PHF2: variants seen among roughly 807,000 people sequenced by gnomAD.
The protein encoded by PHF2 is lysine-specific demethylase PHF2.
PHF2 carries 27 observed loss-of-function variants against 120.5 expected under a neutral mutation model. The observed-to-expected ratio is 0.22, with a 90% confidence interval of 0.17 to 0.31. The LOEUF (loss-of-function observed/expected upper bound fraction) is 0.31. Among genes scored for constraint, PHF2 ranks in the 10% least tolerant of loss-of-function variants. The pLI is 1.00. For synonymous variants in PHF2, 568 were observed against 592.5 expected (o/e 0.96, Z 0.60); for missense variants, 1,024 against 1,434.8 (o/e 0.71, Z 4.63).
rs141886036 is a variant in PHF2 at position 93,579,722 on chromosome 9, C to G, written c.98+2851C>G. Among the ~76,000 whole-genome samples the G allele has an allele frequency of 6.7e-3, 1,015 of 152,368 alleles. 15 individuals carry two copies. The highest frequency in any genetic ancestry group is 0.024 in the African/African-American group (981 of 41,582). On this transcript the variant is annotated intron_variant, in intron 1 of 21. Coordinates refer to ENST00000359246, the MANE Select transcript of PHF2 (RefSeq NM_005392.4). Reference sequence around the variant, plus strand: ...CTGTCTGTCCCACCTGTGGCCACATCACATTCTTCCAGCCAGCCCCGTTTT... The same window carrying G: ...CTGTCTGTCCCACCTGTGGCCACATGACATTCTTCCAGCCAGCCCCGTTTT...
chr9:93,675,655 G>C, intron 19 of PHF2, 25 bp from the exon 20 acceptor site: 1 of 1,584,760 alleles, frequency 6.3e-7, no homozygotes, highest in Non-Finnish European at 8.6e-7. Context: ...TACAGCTTGA[G>C]GGGGCTGGCC....
At chr9:93,675,239 G>A (rs963403913) in intron 19 of PHF2, among the ~76,000 whole-genome samples, 5 of 152,212 alleles carry the variant, frequency 3.3e-5, no homozygotes, top group African/African-American at 1.2e-4. Flanking sequence ...GAGCCCAGAT[G>A]TGCTTCTACA....
At chr9:93,640,475 A>G (rs766578889) in intron 3 of PHF2, among the ~76,000 whole-genome samples, 5 of 152,010 alleles carry the variant, frequency 3.3e-5, no homozygotes, top group Non-Finnish European at 5.9e-5. Flanking sequence ...GGCCATGTCT[A>G]GTCTACTGAT....
intron 16 of PHF2, among the ~76,000 whole-genome samples, chr9:93,666,321 G>A (rs1206394145): frequency 6.6e-6 from 1 of 152,186 alleles, no homozygotes; most frequent in Non-Finnish European, 1.5e-5. Flanking sequence ...GGGATCTAGT[G>A]TATTAACTGC....
chr9:93,654,150 G>C (rs1027428773), intron 6 of PHF2, among the ~76,000 whole-genome samples: 3 of 152,196 alleles, frequency 2.0e-5, no homozygotes, highest in Non-Finnish European at 1.5e-5. Flanking sequence ...TTTATTTGCA[G>C]CCTGGGCACC....
chr9:93,631,964 T>C (rs1826009502), intron 2 of PHF2, among the ~76,000 whole-genome samples: 1 of 151,794 alleles, frequency 6.6e-6, no homozygotes, highest in African/African-American at 2.4e-5. Context: ...GGTCCTTGCT[T>C]GGGGGCTCTT....
Position 93,662,479 on chromosome 9 carries a change from ATGGATGAATGGGTGGG to A in PHF2, c.1699-415_1699-400del, listed in dbSNP as rs1225318151. On this transcript the variant is annotated intron_variant, in intron 12 of 21. Transcript: ENST00000359246. ...GATGGATAAATAAATGGATGAGTGG[ATGGATGAATGGGTGGG>A]TGGATGAATGGGATGAACGAATGGA... is the stretch of plus-strand genomic sequence containing the variant. 6.0e-5 allele frequency among the ~76,000 whole-genome samples: 9 copies of A among 150,778 alleles called. 1 individual carries two copies. The East Asian group carries it at 1.8e-3, about 30-fold the overall frequency.
Position 93,677,616 on chromosome 9 carries a change from C to T in PHF2, c.3231C>T (p.Thr1077=), listed in dbSNP as rs140577032. The change falls in exon 22 of 22, where the codon ACC becomes ACT. Residue 1077 remains threonine (T), a synonymous_variant. Coordinates refer to ENST00000359246, the MANE Select transcript of PHF2 (RefSeq NM_005392.4). The surrounding 1 kb of genome is among the most constrained non-coding windows in gnomAD (Gnocchi z 4.4). ...AACGTACGAAAAAGGGCATGGCGACCGCCAAGCAGAGGCTTGGGAAAATTT... is the reference window on the plus strand; with the variant it reads ...AACGTACGAAAAAGGGCATGGCGACTGCCAAGCAGAGGCTTGGGAAAATTT... The part of the protein sequence containing the change: ...KGKRTKKGMA[T]AKQRLGKILK... The T allele has an allele frequency of 2.3e-4, 374 of 1,613,728 alleles. No individual in the cohort carries two copies. Among genetic ancestry groups the T allele is most frequent in the Non-Finnish European group, 3.0e-4 (349 of 1,179,934 alleles).
intron 1 of PHF2, among the ~76,000 whole-genome samples, chr9:93,583,302 C>G (rs527750679): frequency 2.0e-5 from 3 of 152,290 alleles, no homozygotes; most frequent in African/African-American, 7.2e-5. Flanking sequence ...CACAGTTTAT[C>G]CATTCATCAG....
chr9:93,643,432 G>A (rs913992681), intron 3 of PHF2, among the ~76,000 whole-genome samples: 1 of 152,118 alleles, frequency 6.6e-6, no homozygotes, highest in Non-Finnish European at 1.5e-5. Flanking sequence ...TTCCCACACG[G>A]TTGCCTGTAC....
At chr9:93,676,989 G>A (rs1826929976) in intron 21 of PHF2, 26 bp downstream of exon 21, 1 of 1,500,342 alleles carries the variant, frequency 6.7e-7, no homozygotes, top group Non-Finnish European at 8.9e-7. Context: ...GAGGGAGCCT[G>A]CAGCCCCCCT....
intron 1 of PHF2, among the ~76,000 whole-genome samples, chr9:93,624,826 G>GTGA (rs1199253164): frequency 6.6e-6 from 1 of 150,804 alleles, no homozygotes; most frequent in Non-Finnish European, 1.5e-5. Context: ...GATGATGATG[G>GTGA]TGATGATGAT....
At chr9:93,610,046 T>C (rs1418439702) in intron 1 of PHF2, among the ~76,000 whole-genome samples, 1 of 145,778 alleles carries the variant, frequency 6.9e-6, no homozygotes, top group East Asian at 2.1e-4. Context: ...TTTTTGCGGT[T>C]TGAATGTGAT....
chr9:93,664,821 T>C (rs1166336710), intron 14 of PHF2, among the ~76,000 whole-genome samples: 2 of 152,244 alleles, frequency 1.3e-5, no homozygotes, highest in Admixed American at 6.5e-5. Flanking sequence ...GGTGTGACTC[T>C]AGCCTGTGGA....
In PHF2 at chr9:93,665,874, GA is replaced by G. The variant is rs1826668816; in HGVS notation, c.2116+11del. On this transcript the variant is annotated intron_variant, in intron 15 of 21. Coordinates refer to ENST00000359246, the MANE Select transcript of PHF2 (RefSeq NM_005392.4). ...AAAAGGGACTTGTCCTGTGAGTTGG[GA>G]GGGGGTGTTGGGGGAGGGGTGTGGG... 6.2e-7 allele frequency: 1 copy of G among 1,612,320 alleles called. No individual in the cohort carries two copies. Among genetic ancestry groups the G allele is most frequent in the African/African-American group, 1.3e-5 (1 of 74,918 alleles).
In PHF2 at chr9:93,675,783, C is replaced by T. The variant is rs762146261; in HGVS notation, c.2826C>T (p.Ser942=). The change falls in exon 20 of 22, where the codon TCC becomes TCT. Residue 942 remains serine, a synonymous_variant. Coordinates refer to ENST00000359246, the MANE Select transcript of PHF2 (RefSeq NM_005392.4). ...TGLAAAAAKL[S]QQEEQKSKKK... is the part of the protein sequence containing the mutation. ...TGGCGGCTGCTGCAGCTAAGTTGTC[C>T]CAGCAGGTGAGGAGGGGCGAGAAGG... The T allele has an allele frequency of 6.2e-7, 1 of 1,609,792 alleles. No individual in the cohort carries two copies. The highest frequency in any genetic ancestry group is 8.5e-7 in the Non-Finnish European group (1 of 1,179,360).
At chr9:93,666,099 A>G (rs1826675552) in intron 16 of PHF2, 39 bp downstream of exon 16, 6 of 1,587,876 alleles carry the variant, frequency 3.8e-6, no homozygotes, top group Non-Finnish European at 5.2e-6. Flanking sequence ...CTCGGGGGGC[A>G]TCTCTGGGCA....
intron 20 of PHF2, 92 bp from the exon 21 acceptor site, chr9:93,676,502 A>G (rs1296962007): frequency 1.5e-5 from 22 of 1,467,008 alleles, no homozygotes; most frequent in Non-Finnish European, 1.9e-5. Flanking sequence ...GCTGTGCTCA[A>G]GGGCCCCTGG....
chr9:93,633,979 C>G (rs1187370312), intron 2 of PHF2, among the ~76,000 whole-genome samples: 1 of 152,140 alleles, frequency 6.6e-6, no homozygotes, highest in Non-Finnish European at 1.5e-5. Flanking sequence ...ACGCTCCTGC[C>G]TGAGCCGCCG....
Sources: gnomAD v4.1 joint callset for allele counts (sites outside exome capture counted in the v4.1 genomes callset) on GRCh38, gnomAD v4.1.1 for gene constraint, Gnocchi (gnomAD v3.1) non-coding constraint, MANE v1.5 for transcripts, NCBI Gene and HGNC (gene_info 2026-07-23, HGNC 2026-07-21) for gene names.